Variants in TRPC6 observed in about 807,000 individuals in gnomAD.
TRPC6 encodes the protein short transient receptor potential channel 6.
A neutral mutation model predicts 90.7 loss-of-function variants in TRPC6; 55 were observed. The ratio of observed to expected loss-of-function variants is 0.61; its 90% confidence interval spans 0.49 to 0.76. TRPC6 has a LOEUF of 0.76. Among genes scored for constraint, TRPC6 ranks in the 30% least tolerant of loss-of-function variants. The pLI is 0.00. For missense variants in TRPC6, 989 were observed against 1,122.7 expected, an observed-to-expected ratio of 0.88 and a Z score of 1.70; for synonymous variants, 393 against 393.0, an observed-to-expected ratio of 1.00 and a Z score of 0.00.
chr11:101,509,770 T>C (rs561908348), intron 1 of TRPC6, among the ~76,000 whole-genome samples: 1 of 152,248 alleles, frequency 6.6e-6, no homozygotes, highest in South Asian at 2.1e-4. Context: ...TGACCACACA[T>C]ATTAATCATA....
intron 1 of TRPC6, among the ~76,000 whole-genome samples, chr11:101,529,474 G>A (rs745793067): frequency 9.9e-5 from 15 of 152,114 alleles, no homozygotes; most frequent in Admixed American, 2.0e-4. Flanking sequence ...CTAGGACTTC[G>A]GACATACATA....
In TRPC6 at chr11:101,562,685, T is replaced by C. The variant is rs7926874; in HGVS notation, c.170+20649A>G. On this transcript the variant is annotated intron_variant, in intron 1 of 12. Coordinates refer to ENST00000344327, the MANE Select transcript of TRPC6 (RefSeq NM_004621.6). ...GGAAAAGTGCCTTTGTCCTTCTTTC[T>C]GACCCCTGTGAAATATGACATTGAA... Among the ~76,000 whole-genome samples, 407 of 152,296 alleles carry C rather than the reference T, an allele frequency of 2.7e-3. 2 individuals carry two copies. Among genetic ancestry groups the C allele is most frequent in the African/African-American group, 9.5e-3 (393 of 41,564 alleles).
intron 5 of TRPC6, among the ~76,000 whole-genome samples, chr11:101,478,604 C>T (rs1385820270): frequency 6.6e-6 from 1 of 152,062 alleles, no homozygotes; most frequent in Non-Finnish European, 1.5e-5. Flanking sequence ...AGGAAAAGTT[C>T]GTGTCTCATT....
chr11:101,469,515 A>T lies in TRPC6; in HGVS notation c.2410-14T>A, dbSNP rs770309230. On this transcript the variant is annotated splice_polypyrimidine_tract_variant and intron_variant, in intron 9 of 12. Transcript: ENST00000344327. Reference sequence around the variant, plus strand: ...TTCTTCATTTATCTTTTAAAGATAGATAGTAAAATGAGTATAACTGCATAA... The same window carrying T: ...TTCTTCATTTATCTTTTAAAGATAGTTAGTAAAATGAGTATAACTGCATAA... 1 of 748,934 alleles carries T rather than the reference A, an allele frequency of 1.3e-6. No individual in the cohort carries two copies. Among genetic ancestry groups the T allele is most frequent in the South Asian group, 1.4e-5 (1 of 70,928 alleles). The allele number at this position is 748,934 out of a possible 1,614,324, so 46.4% of individuals were successfully genotyped here.
At chr11:101,540,772 T>C (rs1339685316) in intron 1 of TRPC6, among the ~76,000 whole-genome samples, 1 of 152,188 alleles carries the variant, frequency 6.6e-6, no homozygotes, top group Admixed American at 6.5e-5. Flanking sequence ...AAAATCAAAA[T>C]GTTTTGGTTA....
At chr11:101,470,453 G>A (rs1238045656) in intron 9 of TRPC6, among the ~76,000 whole-genome samples, 1 of 151,886 alleles carries the variant, frequency 6.6e-6, no homozygotes, top group Non-Finnish European at 1.5e-5. Context: ...CTCCTCCTCT[G>A]GATACACCTG....
chr11:101,571,290 A>G lies in TRPC6; in HGVS notation c.170+12044T>C, dbSNP rs188205022. Among the ~76,000 whole-genome samples, 473 of 152,312 alleles carry G rather than the reference A, an allele frequency of 3.1e-3. 1 individual carries two copies. Among genetic ancestry groups the G allele is most frequent in the African/African-American group, 0.011 (445 of 41,562 alleles). On this transcript the variant is annotated intron_variant, in intron 1 of 12. Transcript: ENST00000344327. Reference sequence around the variant, plus strand: ...TCACAATTGCTACAAAAAGAATAAAATACCTAGGAATCCAACTTGCAAGGG... The same window carrying G: ...TCACAATTGCTACAAAAAGAATAAAGTACCTAGGAATCCAACTTGCAAGGG...
intron 5 of TRPC6, among the ~76,000 whole-genome samples, chr11:101,480,165 T>A (rs1367498481): frequency 6.6e-6 from 1 of 152,110 alleles, no homozygotes; most frequent in African/African-American, 2.4e-5. Context: ...GCAGCAAGTG[T>A]GAAACTCCGT....
At chr11:101,553,485 G>A (rs11224846) in intron 1 of TRPC6, among the ~76,000 whole-genome samples, 1 of 151,816 alleles carries the variant, frequency 6.6e-6, no homozygotes, top group East Asian at 1.9e-4. Context: ...CTCCTATTGC[G>A]TTCCTCACCT....
intron 1 of TRPC6, among the ~76,000 whole-genome samples, chr11:101,542,350 T>C (rs1383642586): frequency 6.6e-6 from 1 of 152,228 alleles, no homozygotes; most frequent in African/African-American, 2.4e-5. Context: ...TCAGACCCAC[T>C]GATAAAGATA....
intron 4 of TRPC6, among the ~76,000 whole-genome samples, chr11:101,487,390 T>C (rs1293301956): frequency 6.6e-6 from 1 of 152,166 alleles, no homozygotes; most frequent in Non-Finnish European, 1.5e-5. Flanking sequence ...TGTATTTGTC[T>C]AAATTTAAGG....
At chr11:101,557,151 T>C (rs1861580015) in intron 1 of TRPC6, among the ~76,000 whole-genome samples, 2 of 151,926 alleles carry the variant, frequency 1.3e-5, no homozygotes, top group Non-Finnish European at 2.9e-5. Flanking sequence ...GGCCAGGAGT[T>C]TGAGACAAGC....
At chr11:101,519,428 G>A (rs914453764) in intron 1 of TRPC6, among the ~76,000 whole-genome samples, 1 of 152,088 alleles carries the variant, frequency 6.6e-6, no homozygotes, top group Non-Finnish European at 1.5e-5. Context: ...CTATTTCTCT[G>A]TTTTAACTAA....
At position 101,579,723 on chromosome 11, in the gene TRPC6, T is replaced by C. The variant is rs567605152; in HGVS notation, c.170+3611A>G. Among the ~76,000 whole-genome samples the C allele has an allele frequency of 2.0e-5, 3 of 152,324 alleles. No individual in the cohort carries two copies. In the East Asian group the frequency reaches 5.8e-4, roughly 29 times the overall value. ...GTTCTTTTCTTCTTACTGTTAAAGT[T>C]TCCTGTTCTCACTGTATGCTGGTGG... On this transcript the variant is annotated intron_variant, in intron 1 of 12. Transcript: ENST00000344327.
intron 1 of TRPC6, among the ~76,000 whole-genome samples, chr11:101,547,935 T>C (rs1861347107): frequency 6.6e-6 from 1 of 152,130 alleles, no homozygotes; most frequent in South Asian, 2.1e-4. Flanking sequence ...CACCAAAATG[T>C]AACTGTTATG....
At chr11:101,472,626 C>T (rs1447911427) in intron 7 of TRPC6, among the ~76,000 whole-genome samples, 2 of 152,120 alleles carry the variant, frequency 1.3e-5, no homozygotes, top group African/African-American at 2.4e-5. Flanking sequence ...ACACTTAATC[C>T]ATAGCGTTGG....
chr11:101,583,496 T>C lies in TRPC6; in HGVS notation c.8A>G (p.Gln3Arg), dbSNP rs1430418655. The C allele has an allele frequency of 2.7e-6, 4 of 1,489,058 alleles. No homozygotes were observed. The Admixed American group carries it at 6.6e-5, about 25-fold the overall frequency. The allele number at this position is 1,489,058 out of a possible 1,614,324, so 92.2% of individuals were successfully genotyped here. The stretch of plus-strand genomic sequence containing the variant: ...CCTCCGGGGCCCGAACGCCGGGCTC[T>C]GGCTCATGGCGGGAACGCCCGACTG... MS[Q>R]SPAFGPRRGS... Residue 3 changes from glutamine to arginine, a missense_variant, in exon 1 of 13, where the codon CAG (glutamine) becomes CGG (arginine). Physicochemically the swap from Gln to Arg is conservative, Grantham distance 43. Around this residue, in one of 4 missense-constraint regions of TRPC6, gnomAD observed 194 missense variants for 136.5 expected, o/e 1.42. Transcript: ENST00000344327.
At chr11:101,490,591 G>A (rs958918119) in intron 3 of TRPC6, among the ~76,000 whole-genome samples, 4 of 152,078 alleles carry the variant, frequency 2.6e-5, no homozygotes, top group African/African-American at 7.2e-5. Context: ...AAATAGCTGA[G>A]ACTACAGGTG....
At chr11:101,519,243 C>G (rs910231944) in intron 1 of TRPC6, among the ~76,000 whole-genome samples, 2 of 152,042 alleles carry the variant, frequency 1.3e-5, no homozygotes, top group Non-Finnish European at 2.9e-5. Flanking sequence ...GATGGATACC[C>G]CATTTTCCAT....
Sources: gnomAD v4.1 joint callset for allele counts (sites outside exome capture counted in the v4.1 genomes callset) on GRCh38, gnomAD v4.1.1 for gene constraint, gnomAD v4.1.1 regional missense constraint, MANE v1.5 for transcripts, NCBI Gene and HGNC (gene_info 2026-07-23, HGNC 2026-07-21) for gene names.